DCDC2: variants seen among roughly 807,000 people sequenced by gnomAD.
The protein encoded by DCDC2 is doublecortin domain-containing protein 2.
A neutral mutation model predicts 50.2 loss-of-function variants in DCDC2; 40 were observed. The ratio of observed to expected loss-of-function variants is 0.80; its 90% confidence interval spans 0.62 to 1.04. DCDC2 has a LOEUF of 1.04. Ranked by LOEUF, DCDC2 falls within the 50% of genes least tolerant of loss-of-function variation. The pLI is 0.00. For missense variants in DCDC2, 570 were observed against 581.9 expected, an observed-to-expected ratio of 0.98 and a Z score of 0.21; for synonymous variants, 234 against 210.6, an observed-to-expected ratio of 1.11 and a Z score of -0.96.
At chr6:24,207,524 G>T (rs1359234038) in intron 7 of DCDC2, among the ~76,000 whole-genome samples, 1 of 151,962 alleles carries the variant, frequency 6.6e-6, no homozygotes, top group East Asian at 1.9e-4. Flanking sequence ...CTGATTGATG[G>T]GTAAATATGC....
chr6:24,343,287 G>A (rs1760196316), intron 2 of DCDC2, among the ~76,000 whole-genome samples: 1 of 151,932 alleles, frequency 6.6e-6, no homozygotes, highest in African/African-American at 2.4e-5. Context: ...CTGACTTCGT[G>A]ATCCACCCAC....
rs182853368 is a variant in DCDC2, at chr6:24,204,846, T to C, written c.1023+156A>G. Among the ~76,000 whole-genome samples, 9 of 152,174 alleles carry C rather than the reference T, an allele frequency of 5.9e-5. No homozygotes were observed. In the East Asian group the frequency reaches 1.7e-3, roughly 29 times the overall value. On this transcript the variant is annotated intron_variant, in intron 8 of 9. Transcript: ENST00000378454. Reference sequence around the variant, plus strand: ...TTCACAGGAATACTAGGAGAAAGAATGGTGTTTTGTTATGTTTTTAAGGTT... The same window carrying C: ...TTCACAGGAATACTAGGAGAAAGAACGGTGTTTTGTTATGTTTTTAAGGTT...
chr6:24,184,453 AATC>A (rs1378195288), intron 8 of DCDC2, among the ~76,000 whole-genome samples: 2 of 152,056 alleles, frequency 1.3e-5, no homozygotes, highest in Non-Finnish European at 2.9e-5. Context: ...GCATATCTGT[AATC>A]CCAGCCACTC....
At chr6:24,213,958 C>A (rs1194259146) in intron 7 of DCDC2, among the ~76,000 whole-genome samples, 2 of 152,132 alleles carry the variant, frequency 1.3e-5, no homozygotes, top group East Asian at 1.9e-4. Context: ...ATGATACAAC[C>A]CAAATGTCCA....
chr6:24,326,942 C>T (rs1759880391), intron 2 of DCDC2, among the ~76,000 whole-genome samples: 1 of 149,124 alleles, frequency 6.7e-6, no homozygotes, highest in Admixed American at 6.7e-5. Flanking sequence ...GCAGTATTTG[C>T]TAACTACTCC....
intron 7 of DCDC2, among the ~76,000 whole-genome samples, chr6:24,252,033 T>TAC (rs1283959140): frequency 2.0e-5 from 3 of 152,218 alleles, no homozygotes; most frequent in African/African-American, 7.2e-5. Flanking sequence ...ACCAGGCCAC[T>TAC]ACAGCTTTGC....
At chr6:24,237,109 TA>T (rs1194671301) in intron 7 of DCDC2, among the ~76,000 whole-genome samples, 1 of 151,644 alleles carries the variant, frequency 6.6e-6, no homozygotes, top group African/African-American at 2.4e-5. Context: ...CCATCATCAC[TA>T]ATCATTAGAG....
At chr6:24,202,670 A>C (rs1761613417) in intron 8 of DCDC2, among the ~76,000 whole-genome samples, 3 of 152,136 alleles carry the variant, frequency 2.0e-5, no homozygotes, top group Admixed American at 6.5e-5. Flanking sequence ...ATTCAAATAG[A>C]AATAGGAAGA....
At chr6:24,277,608 A>G (rs1451801489) in intron 7 of DCDC2, among the ~76,000 whole-genome samples, 1 of 152,226 alleles carries the variant, frequency 6.6e-6, no homozygotes, top group Non-Finnish European at 1.5e-5. Flanking sequence ...ATAAAATGTT[A>G]TGTCTATTTA....
intron 8 of DCDC2, among the ~76,000 whole-genome samples, chr6:24,180,174 A>T (rs1053425816): frequency 7.2e-5 from 11 of 152,222 alleles, no homozygotes; most frequent in Admixed American, 5.2e-4. Flanking sequence ...TTTCTGGCAC[A>T]TCACAGATCC....
chr6:24,256,906 C>T (rs1762907937), intron 7 of DCDC2, among the ~76,000 whole-genome samples: 1 of 152,150 alleles, frequency 6.6e-6, no homozygotes, highest in African/African-American at 2.4e-5. Context: ...CTTGGCAGCA[C>T]AGTGCACCAG....
chr6:24,301,881 A>G lies in DCDC2; in HGVS notation c.426-35T>C, dbSNP rs75393533. 7.0e-3 allele frequency: 11,221 copies of G among 1,613,808 alleles called. 466 individuals carry two copies. In the African/African-American group the frequency reaches 0.11, roughly 16 times the overall value. On this transcript the variant is annotated intron_variant, in intron 3 of 9. Coordinates refer to ENST00000378454, the MANE Select transcript of DCDC2 (RefSeq NM_016356.5). ...AGGGGGCAAACCTTCTGAAACAGTTATGCCTTGAAAACTACAACACAAATT... is the reference window on the plus strand; with the variant it reads ...AGGGGGCAAACCTTCTGAAACAGTTGTGCCTTGAAAACTACAACACAAATT...
chr6:24,278,393 C>G (rs774323587), intron 6 of DCDC2, among the ~76,000 whole-genome samples, 182 bp from the exon 7 acceptor site: 9 of 152,100 alleles, frequency 5.9e-5, no homozygotes, highest in Non-Finnish European at 1.2e-4. Context: ...GCAAAAGGGT[C>G]TAGGAGAGGA....
At chr6:24,336,880 G>A (rs1760065833) in intron 2 of DCDC2, among the ~76,000 whole-genome samples, 1 of 152,044 alleles carries the variant, frequency 6.6e-6, no homozygotes, top group Non-Finnish European at 1.5e-5. Context: ...TACAGTGCTA[G>A]GAGCTAAACA....
the DCDC2 span, among the ~76,000 whole-genome samples, chr6:24,379,686 C>T: frequency 2.0e-5 from 3 of 152,290 alleles, no homozygotes; most frequent in East Asian, 5.8e-4. Context: ...GATCCCATTA[C>T]TGGGTATATA....
rs569877184 is a variant in DCDC2 at position 24,233,029 on chromosome 6, T to C, written c.923-27927A>G. Among the ~76,000 whole-genome samples, 122 of 152,310 alleles carry C rather than the reference T, an allele frequency of 8.0e-4. No homozygotes were observed. The Middle Eastern group carries it at 0.017, about 21-fold the overall frequency. On this transcript the variant is annotated intron_variant, in intron 7 of 9. Coordinates refer to ENST00000378454, the MANE Select transcript of DCDC2 (RefSeq NM_016356.5). Reference sequence around the variant, plus strand: ...CAATGGTTTTCCCAAAGCTGAGTTATTTGTTTTCTATGTTTAATATGTTTT... The same window carrying C: ...CAATGGTTTTCCCAAAGCTGAGTTACTTGTTTTCTATGTTTAATATGTTTT...
In DCDC2 at chr6:24,267,207, A is replaced by T. The variant is rs1215738651; in HGVS notation, c.922+10842T>A. The stretch of plus-strand genomic sequence containing the variant: ...AGATGGTTAATGGGTACAAAAATAT[A>T]GTTAGATACAATGAATAAGAGCTTT... On this transcript the variant is annotated intron_variant, in intron 7 of 9. Transcript: ENST00000378454. Among the ~76,000 whole-genome samples the T allele has an allele frequency of 2.6e-5, 4 of 152,338 alleles. No homozygotes were observed. The South Asian group carries it at 8.3e-4, about 32-fold the overall frequency.
chr6:24,337,992 T>G (rs925101520), intron 2 of DCDC2, among the ~76,000 whole-genome samples: 2 of 152,240 alleles, frequency 1.3e-5, no homozygotes, highest in African/African-American at 4.8e-5. Context: ...AATGATCATC[T>G]TTTAATTAAA....
At chr6:24,360,642 G>A (rs982885098), upstream of DCDC2, among the ~76,000 whole-genome samples, 4 of 152,158 alleles carry the variant, frequency 2.6e-5, 1 homozygote, top group Non-Finnish European at 5.9e-5. Context: ...AATGTTTAAA[G>A]AGTTGAAATT....
Sources: gnomAD v4.1 joint callset for allele counts (sites outside exome capture counted in the v4.1 genomes callset) on GRCh38, gnomAD v4.1.1 for gene constraint, MANE v1.5 for transcripts, NCBI Gene and HGNC (gene_info 2026-07-23, HGNC 2026-07-21) for gene names.